The following HIVEP3 variants were observed in gnomAD, a reference collection of about 807,000 sequenced individuals.
The protein encoded by HIVEP3 is transcription factor HIVEP3.
Under a neutral mutation model 152.8 loss-of-function variants are expected in HIVEP3, and 49 were observed. That is an observed-to-expected ratio of 0.32 (90% CI 0.26 to 0.41). The LOEUF is 0.41. Ranked by LOEUF, HIVEP3 falls within the 10% of genes least tolerant of loss-of-function variation. HIVEP3 has a pLI of 1.00. For synonymous variants in HIVEP3, 1,269 were observed against 1,289.0 expected, an observed-to-expected ratio of 0.98 and a Z score of 0.33; for missense variants, 2,790 against 3,103.3, an observed-to-expected ratio of 0.90 and a Z score of 2.40.
At chr1:41,545,908 C>T (rs1485136528) in intron 5 of HIVEP3, among the ~76,000 whole-genome samples, 1 of 152,190 alleles carries the variant, frequency 6.6e-6, no homozygotes, top group Admixed American at 6.5e-5. Flanking sequence ...CAGAGCCTTG[C>T]CATGCAGAAA....
intron 3 of HIVEP3, among the ~76,000 whole-genome samples, chr1:41,611,167 C>A (rs550358720): frequency 2.0e-5 from 3 of 152,272 alleles, no homozygotes; most frequent in East Asian, 3.9e-4. Context: ...GAATTATGAG[C>A]AAATGAATGA....
intron 1 of HIVEP3, among the ~76,000 whole-genome samples, chr1:41,777,710 G>A (rs1176143970): frequency 6.6e-6 from 1 of 152,244 alleles, no homozygotes; most frequent in African/African-American, 2.4e-5. Flanking sequence ...TCTCTCAAAT[G>A]GGAACAGTAG....
At chr1:41,836,277 C>A (rs1643120087) in intron 1 of HIVEP3, among the ~76,000 whole-genome samples, 1 of 152,196 alleles carries the variant, frequency 6.6e-6, no homozygotes, top group South Asian at 2.1e-4. Flanking sequence ...ACTGTCCCTG[C>A]TGAGCAGCTG....
chr1:41,610,532 G>T (rs1359804973), intron 3 of HIVEP3, among the ~76,000 whole-genome samples: 1 of 152,166 alleles, frequency 6.6e-6, no homozygotes, highest in Non-Finnish European at 1.5e-5. Context: ...AAAGGCATCT[G>T]GTAAGACAGG....
chr1:41,985,362 A>T (rs1436406944), intron 1 of HIVEP3, among the ~76,000 whole-genome samples: 1 of 152,196 alleles, frequency 6.6e-6, no homozygotes, highest in Non-Finnish European at 1.5e-5. Context: ...GCTTATAAAC[A>T]ATAGAAATTA....
intron 2 of HIVEP3, among the ~76,000 whole-genome samples, chr1:41,642,071 G>A (rs190084842): frequency 2.0e-5 from 3 of 152,310 alleles, no homozygotes; most frequent in Non-Finnish European, 4.4e-5. Flanking sequence ...CCATGTTAAT[G>A]AATGGACAAG....
intron 1 of HIVEP3, among the ~76,000 whole-genome samples, chr1:41,884,854 T>C (rs1379319513): frequency 8.0e-6 from 1 of 125,008 alleles, no homozygotes; most frequent in Non-Finnish European, 1.6e-5. Context: ...CAGGCCCAGG[T>C]GGGGGACAAG....
At chr1:41,858,605 A>T (rs1051026853) in intron 1 of HIVEP3, among the ~76,000 whole-genome samples, 1 of 152,244 alleles carries the variant, frequency 6.6e-6, no homozygotes, top group Non-Finnish European at 1.5e-5. Flanking sequence ...TATGCTGGGT[A>T]CTATGCTAGG....
chr1:41,575,996 T>A (rs1027306900), intron 4 of HIVEP3, among the ~76,000 whole-genome samples: 2 of 152,212 alleles, frequency 1.3e-5, no homozygotes, highest in Non-Finnish European at 1.5e-5. Flanking sequence ...TGGGAACTCC[T>A]GGGGACAGGT....
At chr1:41,940,683 G>A (rs1268475615) in intron 1 of HIVEP3, among the ~76,000 whole-genome samples, 1 of 152,156 alleles carries the variant, frequency 6.6e-6, no homozygotes, top group Non-Finnish European at 1.5e-5. Context: ...CGGCAACAGG[G>A]AATGGGAAAG....
chr1:41,725,727 A>C (rs1646742673), intron 1 of HIVEP3, among the ~76,000 whole-genome samples: 1 of 152,222 alleles, frequency 6.6e-6, no homozygotes, highest in African/African-American at 2.4e-5. Flanking sequence ...TCTCCAGGAT[A>C]GGCTCAACAA....
At chr1:41,883,425 C>T (rs908378638) in intron 1 of HIVEP3, among the ~76,000 whole-genome samples, 26 of 152,252 alleles carry the variant, frequency 1.7e-4, no homozygotes, top group Admixed American at 9.8e-4. Flanking sequence ...AAGAGTGAAA[C>T]GGGGTGGACA....
intron 1 of HIVEP3, among the ~76,000 whole-genome samples, chr1:41,958,417 T>A (rs1479056708): frequency 6.6e-6 from 1 of 152,206 alleles, no homozygotes; most frequent in African/African-American, 2.4e-5. Context: ...AAACAGCAAG[T>A]GACCATATGG....
At chr1:41,970,178 C>T (rs140515479) in intron 1 of HIVEP3, among the ~76,000 whole-genome samples, 28 of 152,176 alleles carry the variant, frequency 1.8e-4, no homozygotes, top group Middle Eastern at 6.8e-3. Flanking sequence ...CCCAGCAATC[C>T]CATTACTGGG....
At chr1:41,626,679 C>T (rs972224421) in intron 3 of HIVEP3, among the ~76,000 whole-genome samples, 1 of 152,108 alleles carries the variant, frequency 6.6e-6, no homozygotes. Context: ...TCATGAGACC[C>T]CTAAATGGCT....
intron 1 of HIVEP3, among the ~76,000 whole-genome samples, chr1:41,729,724 C>A (rs1646811313): frequency 6.6e-6 from 1 of 152,178 alleles, no homozygotes; most frequent in Non-Finnish European, 1.5e-5. Flanking sequence ...AGGTGACAGT[C>A]CTTTCAGCCA....
rs202101243 is a variant in HIVEP3, at chr1:41,510,220, T to TTG, written c.*230_*231insCA. 6.2e-5 allele frequency: 19 copies of TTG among 308,466 alleles called. No individual in the cohort carries two copies. The highest frequency in any genetic ancestry group is 3.1e-4 in the Admixed American group (6 of 19,410). 19.1% of individuals were successfully genotyped at this position (308,466 alleles called of 1,614,324 possible). ...GCCTCAGACTCCTCGTGGGTTGTTGTTTTTTTTTTAAATGTATGTATGTGA... is the reference window on the plus strand; with the variant it reads ...GCCTCAGACTCCTCGTGGGTTGTTGTTGTTTTTTTTTAAATGTATGTATGTGA... On this transcript the variant is annotated 3_prime_UTR_variant, in exon 9 of 9. Coordinates refer to ENST00000372583, the MANE Select transcript of HIVEP3 (RefSeq NM_024503.5).
rs539479205 is a variant in HIVEP3 at position 41,597,346 on chromosome 1, C to T, written c.-521-12028G>A. Among the ~76,000 whole-genome samples, 6 of 152,294 alleles carry T rather than the reference C, an allele frequency of 3.9e-5. No individual in the cohort carries two copies. In the South Asian group the frequency reaches 1.0e-3, roughly 26 times the overall value. On this transcript the variant is annotated intron_variant, in intron 3 of 8. Transcript: ENST00000372583. ...ATGATGTAGCAAAAACTCTACTCTG[C>T]CAGACTTGCAGAGGCCCAGATTTCC... is the stretch of plus-strand genomic sequence containing the variant.
At chr1:41,588,302 C>T (rs916876758) in intron 3 of HIVEP3, among the ~76,000 whole-genome samples, 2 of 152,142 alleles carry the variant, frequency 1.3e-5, no homozygotes, top group African/African-American at 4.8e-5. Context: ...AGAGCAGCCC[C>T]AAAACACCAG....
Sources: allele counts gnomAD v4.1 joint callset (sites outside exome capture counted in the v4.1 genomes callset), GRCh38; gene constraint gnomAD v4.1.1; transcripts MANE v1.5; gene names NCBI Gene and HGNC (gene_info 2026-07-23, HGNC 2026-07-21).